Variants in ATG10 observed in about 807,000 individuals in gnomAD.
ATG10 encodes the protein ubiquitin-like-conjugating enzyme ATG10.
A neutral mutation model predicts 32.1 loss-of-function variants in ATG10; 30 were observed. That is an observed-to-expected ratio of 0.94 (90% CI 0.70 to 1.27). The LOEUF (loss-of-function observed/expected upper bound fraction) is 1.27, where lower values mean the gene tolerates loss of function less well. Ranked by LOEUF, ATG10 falls within the 50% of genes most tolerant of loss-of-function variation. The pLI is 0.00. For synonymous variants in ATG10, 87 were observed against 91.5 expected (o/e 0.95, Z 0.28); for missense variants, 233 against 262.3 (o/e 0.89, Z 0.77).
chr5:82,023,125 A>G (rs760148547), intron 2 of ATG10, among the ~76,000 whole-genome samples: 1 of 151,900 alleles, frequency 6.6e-6, no homozygotes, highest in African/African-American at 2.4e-5. Flanking sequence ...GAAAGTAGCA[A>G]TTGGGCAGAT....
At chr5:82,009,887 G>A in intron 2 of ATG10, 1 of 1,610,034 alleles carries the variant, frequency 6.2e-7, no homozygotes, top group Non-Finnish European at 8.5e-7. Context: ...TGCCATTATG[G>A]CGTGTGAAGT....
At chr5:82,022,772 A>G (rs939509178) in intron 2 of ATG10, among the ~76,000 whole-genome samples, 3 of 152,002 alleles carry the variant, frequency 2.0e-5, no homozygotes, top group Admixed American at 6.6e-5. Flanking sequence ...ACAGGCATAT[A>G]GGCTTAGAGA....
chr5:82,254,614 C>A lies in ATG10; in HGVS notation c.*551C>A, dbSNP rs1333561170. The stretch of plus-strand genomic sequence containing the variant: ...CACTATAAATAGCAAAAAAACAAAT[C>A]TAACTTATTAATACTAGGAATACCA... On this transcript the variant is annotated 3_prime_UTR_variant, in exon 8 of 8. Transcript: ENST00000282185. 3 of 148,716 alleles carry A rather than the reference C, an allele frequency of 2.0e-5. No individual in the cohort carries two copies. Among genetic ancestry groups the A allele is most frequent in the African/African-American group, 7.4e-5 (3 of 40,294 alleles). 9.2% of individuals were successfully genotyped at this position (148,716 alleles called of 1,614,324 possible). A position where few individuals can be genotyped will look rare whatever the true frequency, so the allele number is the denominator to read the frequency against.
At chr5:81,984,841 T>C (rs948367770) in intron 1 of ATG10, among the ~76,000 whole-genome samples, 17 of 152,214 alleles carry the variant, frequency 1.1e-4, no homozygotes, top group Non-Finnish European at 4.4e-5. Context: ...AAAAAAACAA[T>C]AATTATTCCA....
Position 82,099,214 on chromosome 5 carries a change from T to C in ATG10, c.216+40612T>C, listed in dbSNP as rs545168562. ...TTACCTCTATAAAGGAAAGAATGGA[T>C]GTGGTTTGTCCCTATTTCATGGTAG... On this transcript the variant is annotated intron_variant, in intron 3 of 7. Transcript: ENST00000282185. Among the ~76,000 whole-genome samples the C allele has an allele frequency of 9.2e-5, 14 of 152,256 alleles. No individual in the cohort carries two copies. The South Asian group carries it at 2.9e-3, about 32-fold the overall frequency.
At chr5:81,996,733 G>A (rs768741312) in intron 2 of ATG10, among the ~76,000 whole-genome samples, 3 of 152,168 alleles carry the variant, frequency 2.0e-5, no homozygotes, top group Non-Finnish European at 4.4e-5. Context: ...TAAGACCTTG[G>A]CCTTTGGAAC....
At chr5:82,119,863 G>T (rs534845587) in intron 3 of ATG10, among the ~76,000 whole-genome samples, 1 of 152,196 alleles carries the variant, frequency 6.6e-6, no homozygotes, top group East Asian at 1.9e-4. Flanking sequence ...AACAGACTAG[G>T]TTCCTTTACA....
At chr5:81,993,369 T>TTTCTTTCTTTCTTTCTTTCTTTCCTTC (rs1554039351) in intron 2 of ATG10, among the ~76,000 whole-genome samples, 12 of 38,038 alleles carry the variant, frequency 3.2e-4, no homozygotes, top group African/African-American at 1.4e-3. Context: ...CCTTCTTTTC[T>TTTCTTTCTTTCTTTCTTTCTTTCCTTC]TTTCTTTTCT....
intron 3 of ATG10, among the ~76,000 whole-genome samples, chr5:82,145,361 T>C (rs1371385225): frequency 6.6e-6 from 1 of 152,152 alleles, no homozygotes; most frequent in South Asian, 2.1e-4. Flanking sequence ...TTTTGGATTA[T>C]TTTTTAGAAT....
intron 6 of ATG10, 97 bp from the exon 7 acceptor site, chr5:82,253,217 C>A: frequency 1.2e-6 from 1 of 802,068 alleles, no homozygotes; most frequent in Admixed American, 2.0e-5. Flanking sequence ...AAGAAAGCCT[C>A]ACTTTTGTTA....
chr5:82,164,404 T>G lies in ATG10; in HGVS notation c.222T>G (p.Ala74=). Residue 74 remains alanine, a synonymous_variant, in exon 4 of 8, where the codon GCT becomes GCG. Transcript: ENST00000282185. The part of the protein sequence containing the change: ...HGQTCLPMEE[A]FELPLDDCEV... ...TTGTTTTTGCTTTTTTTTAGGAGGC[T>G]TTCGAGCTACCCTTGGATGATTGTG... 6.2e-7 allele frequency: 1 copy of G among 1,613,594 alleles called. No homozygotes were observed. The highest frequency in any genetic ancestry group is 8.5e-7 in the Non-Finnish European group (1 of 1,179,880).
chr5:82,235,991 A>G (rs1371676702), intron 5 of ATG10, among the ~76,000 whole-genome samples: 1 of 152,206 alleles, frequency 6.6e-6, no homozygotes, highest in Non-Finnish European at 1.5e-5. Flanking sequence ...GTTGACTCTA[A>G]TAAGTTTATG....
chr5:82,057,192 T>C (rs1763632139), intron 2 of ATG10, among the ~76,000 whole-genome samples: 1 of 152,194 alleles, frequency 6.6e-6, no homozygotes, highest in South Asian at 2.1e-4. Context: ...GAGCTGGCTG[T>C]TTGTCAGCAC....
intron 3 of ATG10, among the ~76,000 whole-genome samples, chr5:82,106,378 A>C (rs539079672): frequency 6.6e-6 from 1 of 152,100 alleles, no homozygotes; most frequent in Non-Finnish European, 1.5e-5. Context: ...CTCTAGTGGT[A>C]TGAAGCCGTA....
intron 3 of ATG10, among the ~76,000 whole-genome samples, chr5:82,088,778 A>C (rs1186639275): frequency 2.6e-5 from 4 of 152,176 alleles, no homozygotes; most frequent in African/African-American, 9.7e-5. Context: ...TCTTCTCTCC[A>C]TTGTCCTGTT....
chr5:82,225,337 AC>A (rs1370127766), intron 5 of ATG10, among the ~76,000 whole-genome samples: 1 of 152,186 alleles, frequency 6.6e-6, no homozygotes, highest in Non-Finnish European at 1.5e-5. Context: ...GGGGACCATA[AC>A]ATTAGGGGAA....
chr5:82,093,856 G>T (rs1365705891), intron 3 of ATG10, among the ~76,000 whole-genome samples: 1 of 152,018 alleles, frequency 6.6e-6, no homozygotes, highest in Non-Finnish European at 1.5e-5. Flanking sequence ...TTAGTCTAGG[G>T]GTTATTTTGC....
chr5:82,190,303 C>T (rs1299187665), intron 5 of ATG10, among the ~76,000 whole-genome samples: 1 of 151,768 alleles, frequency 6.6e-6, no homozygotes, highest in Non-Finnish European at 1.5e-5. Context: ...CCTTTCAGTG[C>T]ATAGCTTTCC....
intron 3 of ATG10, among the ~76,000 whole-genome samples, chr5:82,113,841 G>T (rs1005559104): frequency 2.0e-5 from 3 of 151,586 alleles, no homozygotes; most frequent in Admixed American, 2.0e-4. Flanking sequence ...TTCCCTTAAG[G>T]TACTCACTTC....
Sources: allele counts gnomAD v4.1 joint callset (sites outside exome capture counted in the v4.1 genomes callset), GRCh38; gene constraint gnomAD v4.1.1; transcripts MANE v1.5; gene names NCBI Gene and HGNC (gene_info 2026-07-23, HGNC 2026-07-21).